The following CLYBL variants were observed in gnomAD, a reference collection of about 807,000 sequenced individuals.
The protein encoded by CLYBL is citramalyl-CoA lyase, mitochondrial.
A neutral mutation model predicts 38.9 loss-of-function variants in CLYBL; 31 were observed. The observed-to-expected ratio is 0.80, with a 90% CI of 0.60 to 1.08. The LOEUF is 1.08. Among genes scored for constraint, CLYBL ranks in the 50% least tolerant of loss-of-function variants. The pLI is 0.00. For missense variants in CLYBL, 434 were observed against 411.6 expected, an observed-to-expected ratio of 1.05 and a Z score of -0.47; for synonymous variants, 171 against 158.6, an observed-to-expected ratio of 1.08 and a Z score of -0.59.
intron 1 of CLYBL, among the ~76,000 whole-genome samples, chr13:99,709,802 G>C (rs2048199436): frequency 6.6e-6 from 1 of 151,984 alleles, no homozygotes; most frequent in Non-Finnish European, 1.5e-5. Flanking sequence ...TCAATAAATA[G>C]GGGATGCAGA....
In CLYBL at chr13:99,858,878, A is replaced by C; in HGVS notation, c.267A>C (p.Arg89Ser). The C allele has an allele frequency of 6.2e-7, 1 of 1,603,846 alleles. No individual in the cohort carries two copies. Among genetic ancestry groups the C allele is most frequent in the Non-Finnish European group, 8.5e-7 (1 of 1,177,072 alleles). Residue 89 changes from arginine to serine, a missense_variant, in exon 3 of 9, where the codon AGA becomes AGC. Coordinates refer to ENST00000339105, the MANE Select transcript of CLYBL (RefSeq NM_206808.5). Reference sequence around the variant, plus strand: ...ACTTACAGAATGAAGCTCGACTGAGAATTGTAAAAACTCTTGAAGACATTG... The same window carrying C: ...ACTTACAGAATGAAGCTCGACTGAGCATTGTAAAAACTCTTGAAGACATTG... Reference protein sequence around the residue: ...AANKKNEARLRIVKTLEDIDL... With the variant: ...AANKKNEARLSIVKTLEDIDL...
At chr13:99,696,611 A>G (rs559900759) in intron 1 of CLYBL, among the ~76,000 whole-genome samples, 40 of 152,174 alleles carry the variant, frequency 2.6e-4, no homozygotes, top group South Asian at 4.1e-4. Flanking sequence ...AATTGATTTG[A>G]TTACATCCTA....
chr13:99,901,175 G>A (rs2052637702), downstream of CLYBL, among the ~76,000 whole-genome samples: 1 of 152,292 alleles, frequency 6.6e-6, no homozygotes, highest in East Asian at 1.9e-4. Context: ...CCTCTTGGCC[G>A]CGGGCCTCAC....
intron 2 of CLYBL, among the ~76,000 whole-genome samples, chr13:99,820,642 G>T (rs2050570694): frequency 6.6e-6 from 1 of 152,134 alleles, no homozygotes; most frequent in Non-Finnish European, 1.5e-5. Flanking sequence ...CTCACCGTTG[G>T]AGTAGTCACT....
At chr13:99,609,169 GTTTTTTTTTTTTT>G (rs58873910) in intron 1 of CLYBL, among the ~76,000 whole-genome samples, 2 of 45,780 alleles carry the variant, frequency 4.4e-5, no homozygotes, top group African/African-American at 9.4e-5. Context: ...ACCTGTCTTT[GTTTTTTTTTTTTT>G]TTTTTTTTTT....
intron 1 of CLYBL, among the ~76,000 whole-genome samples, chr13:99,710,207 C>T (rs893600835): frequency 2.6e-5 from 4 of 152,094 alleles, no homozygotes; most frequent in African/African-American, 9.7e-5. Context: ...CCACCGTGCC[C>T]GGCCCACCCT....
chr13:99,830,112 T>C (rs2050776794), intron 2 of CLYBL, among the ~76,000 whole-genome samples: 1 of 152,202 alleles, frequency 6.6e-6, no homozygotes, highest in African/African-American at 2.4e-5. Flanking sequence ...TGTTGATCTC[T>C]CTCTCGGACT....
intron 2 of CLYBL, among the ~76,000 whole-genome samples, chr13:99,836,840 TGAGAACAC>T (rs1261581490): frequency 7.3e-5 from 11 of 150,424 alleles, no homozygotes; most frequent in African/African-American, 9.8e-5. Flanking sequence ...AATTGAACAA[TGAGAACAC>T]ATGAACACAG....
rs144822805 is a variant in CLYBL, at chr13:99,799,791, G to A, written c.249+26781G>A. On this transcript the variant is annotated intron_variant, in intron 2 of 8. Coordinates refer to ENST00000339105, the MANE Select transcript of CLYBL (RefSeq NM_206808.5). ...CATGTACCAAAGTGGCTAATTACGT[G>A]GATATCAATCATGTCAACACCCTGG... Among the ~76,000 whole-genome samples the A allele has an allele frequency of 3.3e-4, 50 of 152,270 alleles. No individual in the cohort carries two copies. In the East Asian group the frequency reaches 4.1e-3, roughly 12 times the overall value.
At position 99,739,902 on chromosome 13, in the gene CLYBL, C is replaced by T. The variant is rs574754643; in HGVS notation, c.63-32922C>T. Among the ~76,000 whole-genome samples the T allele has an allele frequency of 3.9e-5, 6 of 151,964 alleles. No homozygotes were observed. In the South Asian group the frequency reaches 8.3e-4, roughly 21 times the overall value. The stretch of plus-strand genomic sequence containing the variant: ...GGCAGAATTGCTTGAACCCGGGAGG[C>T]GGAGGTTGCAGTGAGTCAAGATCGT... On this transcript the variant is annotated intron_variant, in intron 1 of 8. Transcript: ENST00000339105.
intron 1 of CLYBL, among the ~76,000 whole-genome samples, chr13:99,723,085 G>A (rs1054184715): frequency 5.3e-5 from 8 of 152,270 alleles, no homozygotes; most frequent in African/African-American, 1.9e-4. Context: ...CATTCTGACA[G>A]GGTCAATAAC....
At chr13:99,697,661 CTT>C (rs1345788134) in intron 1 of CLYBL, among the ~76,000 whole-genome samples, 48 of 135,464 alleles carry the variant, frequency 3.5e-4, no homozygotes, top group Admixed American at 6.7e-4. Context: ...TTCTTTCTTT[CTT>C]TTTTTTTTTT....
intron 1 of CLYBL, among the ~76,000 whole-genome samples, chr13:99,737,253 T>C (rs1018286507): frequency 2.0e-5 from 3 of 152,170 alleles, no homozygotes; most frequent in African/African-American, 7.2e-5. Flanking sequence ...TGCCATGGTG[T>C]TCCAGGCCCA....
At chr13:99,891,111 T>C (rs1050265978) in intron 7 of CLYBL, among the ~76,000 whole-genome samples, 3 of 152,214 alleles carry the variant, frequency 2.0e-5, no homozygotes, top group Middle Eastern at 3.4e-3. Flanking sequence ...TCCATTAAAA[T>C]GCTGAAGATT....
In CLYBL at chr13:99,892,424, A is replaced by G. The variant is rs1334974805; in HGVS notation, c.*25-19A>G. 6.5e-6 allele frequency: 1 copy of G among 152,688 alleles called. No individual in the cohort carries two copies. The highest frequency in any genetic ancestry group is 1.5e-5 in the Non-Finnish European group (1 of 68,052). The allele number at this position is 152,688 out of a possible 1,614,324, so 9.5% of individuals were successfully genotyped here. On this transcript the variant is annotated intron_variant, in intron 8 of 8. Transcript: ENST00000339105. ...AACCAGCCATTGTTCCCTATTCAGC[A>G]TGTACTCTTATATTGAAGGCTAAAG...
intron 1 of CLYBL, among the ~76,000 whole-genome samples, chr13:99,617,777 C>A (rs2046735311): frequency 6.6e-6 from 1 of 152,202 alleles, no homozygotes; most frequent in African/African-American, 2.4e-5. Flanking sequence ...GCTCTGTGCT[C>A]CAGCCCTCCT....
chr13:99,904,103 A>AT (rs2052670251), intron 8 of CLYBL, among the ~76,000 whole-genome samples: 1 of 152,164 alleles, frequency 6.6e-6, no homozygotes, highest in Non-Finnish European at 1.5e-5. Context: ...AAAGCACAGC[A>AT]TTTTGTTGCC....
intron 6 of CLYBL, among the ~76,000 whole-genome samples, chr13:99,866,728 G>T (rs1260548347): frequency 6.6e-6 from 1 of 150,512 alleles, no homozygotes; most frequent in African/African-American, 2.4e-5. Context: ...AAGTGTTTTT[G>T]AGTGAACCGC....
chr13:99,649,369 A>G (rs1402737055), intron 1 of CLYBL, among the ~76,000 whole-genome samples: 1 of 152,202 alleles, frequency 6.6e-6, no homozygotes, highest in Admixed American at 6.5e-5. Context: ...CCCATTTTTC[A>G]TATACTGGTG....
Sources: gnomAD v4.1 joint callset for allele counts (sites outside exome capture counted in the v4.1 genomes callset) on GRCh38, gnomAD v4.1.1 for gene constraint, MANE v1.5 for transcripts, NCBI Gene and HGNC (gene_info 2026-07-23, HGNC 2026-07-21) for gene names.